The following SGCZ variants were observed in gnomAD, a reference collection of about 807,000 sequenced individuals.
The protein encoded by SGCZ is zeta-sarcoglycan.
Under a neutral mutation model 41.3 loss-of-function variants are expected in SGCZ, and 40 were observed. The ratio of observed to expected loss-of-function variants is 0.97; its 90% CI spans 0.75 to 1.26. The LOEUF is 1.26. Ranked by LOEUF, SGCZ falls within the 50% of genes most tolerant of loss-of-function variation. The probability of loss-of-function intolerance (pLI) is 0.00; values close to 1 mark genes in which losing one functional copy is unlikely to be tolerated. For synonymous variants in SGCZ, 206 were observed against 137.5 expected, an observed-to-expected ratio of 1.50 and a Z score of -3.49; for missense variants, 552 against 369.8, an observed-to-expected ratio of 1.49 and a Z score of -4.04.
At chr8:14,863,221 C>A (rs550327968) in intron 1 of SGCZ, among the ~76,000 whole-genome samples, 9 of 152,266 alleles carry the variant, frequency 5.9e-5, no homozygotes, top group African/African-American at 2.2e-4. Context: ...GTACTGATAG[C>A]CTTGCAGCTC....
intron 1 of SGCZ, among the ~76,000 whole-genome samples, chr8:14,984,391 T>G (rs1801763356): frequency 6.6e-6 from 1 of 152,198 alleles, no homozygotes; most frequent in African/African-American, 2.4e-5. Flanking sequence ...CTTATGATAT[T>G]TTAAAGTACT....
chr8:14,221,095 T>G (rs2117121184), intron 4 of SGCZ, among the ~76,000 whole-genome samples: 1 of 151,980 alleles, frequency 6.6e-6, no homozygotes, highest in African/African-American at 2.4e-5. Flanking sequence ...CGGAAAAAAA[T>G]GCCAATAAAC....
At chr8:14,640,658 G>A (rs1349641915) in intron 1 of SGCZ, among the ~76,000 whole-genome samples, 1 of 149,442 alleles carries the variant, frequency 6.7e-6, no homozygotes, top group African/African-American at 2.5e-5. Flanking sequence ...GGGTGTGTGT[G>A]TGTGTGTGTG....
At chr8:14,747,692 TG>T (rs1585228076) in intron 1 of SGCZ, among the ~76,000 whole-genome samples, 5 of 128,062 alleles carry the variant, frequency 3.9e-5, no homozygotes, top group Admixed American at 9.1e-5. Flanking sequence ...ATTATTATTA[TG>T]TGTGTGTGTA....
At chr8:14,255,001 A>C (rs985203888) in intron 3 of SGCZ, among the ~76,000 whole-genome samples, 1 of 152,044 alleles carries the variant, frequency 6.6e-6, no homozygotes, top group East Asian at 1.9e-4. Context: ...TTATTTCTCC[A>C]GTTTGGCTGC....
chr8:14,167,273 A>G (rs1445383336), intron 4 of SGCZ, among the ~76,000 whole-genome samples: 1 of 152,114 alleles, frequency 6.6e-6, no homozygotes, highest in Non-Finnish European at 1.5e-5. Context: ...GTTCTCTAAG[A>G]TAGGTCAAGG....
chr8:14,549,678 G>A (rs1436376276), intron 2 of SGCZ, among the ~76,000 whole-genome samples: 2 of 152,150 alleles, frequency 1.3e-5, no homozygotes, highest in East Asian at 1.9e-4. Context: ...ATATTTGGAT[G>A]AACCATATAA....
In SGCZ at chr8:14,657,358, A is replaced by G. The variant is rs142634231; in HGVS notation, c.40-102432T>C. On this transcript the variant is annotated intron_variant, in intron 1 of 7. Coordinates refer to ENST00000382080, the MANE Select transcript of SGCZ (RefSeq NM_139167.4). ...CCCATAGTAAACATTAAATATTACA[A>G]CTTTAGCATAACTATATATGCATCA... 1.5e-4 allele frequency among the ~76,000 whole-genome samples: 23 copies of G among 152,232 alleles called. 1 individual carries two copies. Among genetic ancestry groups the G allele is most frequent in the African/African-American group, 2.6e-4 (11 of 41,534 alleles).
In SGCZ at chr8:14,806,690, C is replaced by A. The variant is rs537339072; in HGVS notation, c.40-251764G>T. Among the ~76,000 whole-genome samples the A allele has an allele frequency of 7.9e-4, 121 of 152,204 alleles. 2 individuals carry two copies. The highest frequency in any genetic ancestry group is 2.7e-3 in the African/African-American group (112 of 41,540). ...GGTACCATTCCTTCTGAAACTATTA[C>A]AATCAAGAGAAAAAGAGGGACTCCT... On this transcript the variant is annotated intron_variant, in intron 1 of 7. Transcript: ENST00000382080.
At chr8:14,313,922 G>A (rs1177701114) in intron 3 of SGCZ, among the ~76,000 whole-genome samples, 1 of 120,716 alleles carries the variant, frequency 8.3e-6, no homozygotes, top group East Asian at 2.3e-4. Context: ...GTGTGTGTGT[G>A]TGTGTGTGTG....
At chr8:14,764,811 T>G (rs548578776) in intron 1 of SGCZ, among the ~76,000 whole-genome samples, 1 of 152,230 alleles carries the variant, frequency 6.6e-6, no homozygotes, top group Non-Finnish European at 1.5e-5. Context: ...TATTGTTGAA[T>G]AATGAACATG....
intron 3 of SGCZ, among the ~76,000 whole-genome samples, chr8:14,306,977 T>C (rs180832959): frequency 6.6e-6 from 1 of 152,294 alleles, no homozygotes; most frequent in African/African-American, 2.4e-5. Context: ...AGAAATGAAA[T>C]AGCAGTCACT....
intron 2 of SGCZ, among the ~76,000 whole-genome samples, chr8:14,497,593 T>A (rs7836501): frequency 0.52 from 78,433 of 149,880 alleles, 20,498 homozygotes; most frequent in East Asian, 0.66. Context: ...TGTGTGTGTG[T>A]GAGAGAGAGA....
chr8:14,709,476 A>G (rs1809443804), intron 1 of SGCZ, among the ~76,000 whole-genome samples: 1 of 152,184 alleles, frequency 6.6e-6, no homozygotes, highest in East Asian at 1.9e-4. Flanking sequence ...GAAGAAGAGG[A>G]GGAACTAAAA....
intron 1 of SGCZ, among the ~76,000 whole-genome samples, chr8:15,141,909 AC>A (rs1563147694): frequency 8.8e-5 from 13 of 148,274 alleles, no homozygotes; most frequent in Non-Finnish European, 2.0e-4. Context: ...AAAAAAAAAA[AC>A]AAAAAAAATG....
intron 4 of SGCZ, among the ~76,000 whole-genome samples, chr8:14,172,280 C>T (rs1459433610): frequency 1.3e-5 from 2 of 152,078 alleles, no homozygotes; most frequent in East Asian, 3.9e-4. Flanking sequence ...ATGATGAAGG[C>T]TTTATCTCAA....
chr8:14,442,662 A>G (rs1800305978), intron 2 of SGCZ, among the ~76,000 whole-genome samples: 1 of 152,162 alleles, frequency 6.6e-6, no homozygotes, highest in South Asian at 2.1e-4. Context: ...AATCCAACCC[A>G]GTGATCTCAG....
At chr8:14,870,287 T>C (rs1585334667) in intron 1 of SGCZ, among the ~76,000 whole-genome samples, 1 of 152,156 alleles carries the variant, frequency 6.6e-6, no homozygotes, top group Non-Finnish European at 1.5e-5. Flanking sequence ...CCATTTGAGA[T>C]GGAGACCATC....
At chr8:14,135,498 G>A (rs757308612) in intron 5 of SGCZ, among the ~76,000 whole-genome samples, 3 of 152,168 alleles carry the variant, frequency 2.0e-5, no homozygotes, top group Non-Finnish European at 2.9e-5. Flanking sequence ...ACTATCTTGA[G>A]TAGTCATGGG....
Sources: gnomAD v4.1 joint callset for allele counts (sites outside exome capture counted in the v4.1 genomes callset) on GRCh38, gnomAD v4.1.1 for gene constraint, MANE v1.5 for transcripts, NCBI Gene and HGNC (gene_info 2026-07-23, HGNC 2026-07-21) for gene names.